Variants in KMT2D observed in about 807,000 individuals in gnomAD.
The protein encoded by KMT2D is histone-lysine N-methyltransferase 2D.
In KMT2D, 55 loss-of-function variants were observed where a neutral mutation model predicts 512.7. The observed-to-expected ratio is 0.11, with a 90% CI of 0.09 to 0.13. KMT2D has a LOEUF of 0.13. Ranked by LOEUF, KMT2D falls within the 10% of genes least tolerant of loss-of-function variation. The probability of loss-of-function intolerance (pLI) is 1.00; values close to 1 mark genes in which losing one functional copy is unlikely to be tolerated. For synonymous variants in KMT2D, 2,995 were observed against 2,904.0 expected, an observed-to-expected ratio of 1.03 and a Z score of -1.01; for missense variants, 6,061 against 7,127.9, an observed-to-expected ratio of 0.85 and a Z score of 5.39.
intron 19 of KMT2D, among the ~76,000 whole-genome samples, chr12:49,045,657 A>AAC (rs1370879185): frequency 2.2e-4 from 33 of 152,060 alleles, no homozygotes; most frequent in African/African-American, 8.0e-4. Context: ...AAAAAAAAAA[A>AAC]AAAAGAGATC....
chr12:49,048,015 C>G lies in KMT2D; in HGVS notation c.4186G>C (p.Ala1396Pro). Residue 1396 changes from alanine to proline, a missense_variant, in exon 15 of 55, where the codon GCC becomes CCC. Physicochemically the swap from Ala to Pro is conservative, Grantham distance 27 (BLOSUM62 -1). Transcript: ENST00000301067. ...FGRGAEGHLLACSQCSQCYHP... is the reference protein window; with the variant it reads ...FGRGAEGHLLPCSQCSQCYHP... The stretch of plus-strand genomic sequence containing the variant: ...TAGCACTGAGAGCACTGCGAACAGG[C>G]AAGGAGGTGGCCCTCTGCCCCCCGG... 1 of 1,612,936 alleles carries G rather than the reference C, an allele frequency of 6.2e-7. No individual in the cohort carries two copies. The highest frequency in any genetic ancestry group is 1.1e-5 in the South Asian group (1 of 91,066).
chr12:49,052,479 G>A (rs1472368017), intron 10 of KMT2D, 55 bp from the exon 11 acceptor site: 1 of 1,549,214 alleles, frequency 6.5e-7, no homozygotes, highest in African/African-American at 1.4e-5. Context: ...TCCACAGAAA[G>A]TGTGGGGTCT....
chr12:49,036,632 G>A (rs1296686118), intron 35 of KMT2D, among the ~76,000 whole-genome samples: 1 of 151,762 alleles, frequency 6.6e-6, no homozygotes, highest in Non-Finnish European at 1.5e-5. Context: ...GGGATTACAG[G>A]GATGCACCAC....
At position 49,041,455 on chromosome 12, in the gene KMT2D, G is replaced by C. The variant is rs990328806; in HGVS notation, c.6315C>G (p.Arg2105=). 6.2e-7 allele frequency: 1 copy of C among 1,613,084 alleles called. No individual in the cohort carries two copies. The highest frequency in any genetic ancestry group is 8.5e-7 in the Non-Finnish European group (1 of 1,179,260). The change falls in exon 32 of 55, where the codon CGC becomes CGG. Residue 2105 remains arginine, a synonymous_variant. Coordinates refer to ENST00000301067, the MANE Select transcript of KMT2D (RefSeq NM_003482.4). This position sits in a 1 kb window ranked among gnomAD's most constrained non-coding sequence, Gnocchi z 5.4. The part of the protein sequence containing the change: ...RKTDRPALHL[R]IPPQPGALGS... ...CCAGTGCCCCTGGCTGCGGGGGAATGCGGAGATGTAGGGCCGGTCGGTCAG... is the reference window on the plus strand; with the variant it reads ...CCAGTGCCCCTGGCTGCGGGGGAATCCGGAGATGTAGGGCCGGTCGGTCAG...
Position 49,032,615 on chromosome 12 carries a change from G to T in KMT2D, c.12090C>A (p.Asp4030Glu), listed in dbSNP as rs1942978932. ...CAGTGGCCTCTGAAGAAACGGCTGG[G>T]TCTACGGTGTTTTGTTCCTTGCCCG... ...LLTGKEQNTV[D>E]PAVSSEATEG... The change falls in exon 40 of 55, where the codon GAC becomes GAA. Residue 4030 changes from aspartate to glutamate, a missense_variant. By Grantham distance (45) the Asp-to-Glu change is conservative. Transcript: ENST00000301067. 2 of 1,614,020 alleles carry T rather than the reference G, an allele frequency of 1.2e-6. No individual in the cohort carries two copies. Among genetic ancestry groups the T allele is most frequent in the African/African-American group, 1.3e-5 (1 of 75,052 alleles).
In KMT2D at chr12:49,024,604, C is replaced by T. The variant is rs1942483347; in HGVS notation, c.16026G>A (p.Glu5342=). ...GTTTGTAGTGTGTGAGGATTTTAGG[C>T]TCTGATCGGGCACAGCCAGTGGGGT... ...MINPTGCARS[E]PKILTHYKRP... The change falls in exon 51 of 55, where the codon GAG becomes GAA. Residue 5342 remains glutamate, a synonymous_variant. Coordinates refer to ENST00000301067, the MANE Select transcript of KMT2D (RefSeq NM_003482.4). The surrounding 1 kb of genome is among the most constrained non-coding windows in gnomAD (Gnocchi z 4.5). 1 of 1,613,190 alleles carries T rather than the reference C, an allele frequency of 6.2e-7. No individual in the cohort carries two copies. The highest frequency in any genetic ancestry group is 1.3e-5 in the African/African-American group (1 of 75,046).
rs1229700197 is a variant in KMT2D, at chr12:49,055,446, A to G, written c.-37-85T>C. 1.4e-5 allele frequency: 11 copies of G among 761,516 alleles called. 1 individual carries two copies. The highest frequency in any genetic ancestry group is 7.1e-5 in the South Asian group (4 of 56,558). 47.2% of individuals were successfully genotyped at this position (761,516 alleles called of 1,614,324 possible). ...CCAGAATCCTGGGAAGAAGGCATCC[A>G]GACCCTCCAGACATCAGAGCAAAGC... On this transcript the variant is annotated intron_variant, in intron 1 of 54. Transcript: ENST00000301067.
Position 49,034,913 on chromosome 12 carries a change from T to C in KMT2D, c.10254A>G (p.Glu3418=), listed in dbSNP as rs1276435941. The C allele has an allele frequency of 1.2e-6, 2 of 1,613,914 alleles. No homozygotes were observed. Among genetic ancestry groups the C allele is most frequent in the South Asian group, 1.1e-5 (1 of 91,082 alleles). ...CCTTTGCAATGGGATCAATGATATC[T>C]TCTGCAGCAAATTTGTCCAGGTCTG... ...PDTDLDKFAA[E]DIIDPIAKAK... Residue 3418 remains glutamate, a synonymous_variant, in exon 36 of 55, where the codon GAA becomes GAG. Coordinates refer to ENST00000301067, the MANE Select transcript of KMT2D (RefSeq NM_003482.4).
chr12:49,045,886 T>C, intron 19 of KMT2D, 34 bp downstream of exon 19: 2 of 1,540,036 alleles, frequency 1.3e-6, no homozygotes, highest in South Asian at 1.1e-5. Context: ...CGACGTCTGG[T>C]CTGGCTTTGG....
At position 49,052,179 on chromosome 12, in the gene KMT2D, G is replaced by A. The variant is rs1938100398; in HGVS notation, c.1504C>T (p.Pro502Ser). 1 of 1,613,522 alleles carries A rather than the reference G, an allele frequency of 6.2e-7. No individual in the cohort carries two copies. Residue 502 changes from proline to serine, a missense_variant, in exon 11 of 55, where the codon CCT becomes TCT. Transcript: ENST00000301067. ...GATGATTCAGGTGGGGGAGACAGAG[G>A]AGACTCCTCAGGCGGCGGAGAGAGG... ...SPLSPPPEES[P>S]LSPPPESSPF...
In KMT2D at chr12:49,031,793, A is replaced by G. The variant is rs905676463; in HGVS notation, c.12912T>C (p.Pro4304=). Reference sequence around the variant, plus strand: ...TGGATGGTGGAGGTGTGGGATGGACAGGGCCAAGGACTGGTCCTGTAGATA... The same window carrying G: ...TGGATGGTGGAGGTGTGGGATGGACGGGGCCAAGGACTGGTCCTGTAGATA... ...GALSTGPVLG[P]VHPTPPPSSP... is the part of the protein sequence containing the mutation. Residue 4304 remains proline (P), a synonymous_variant, in exon 40 of 55, where the codon CCT becomes CCC. Coordinates refer to ENST00000301067, the MANE Select transcript of KMT2D (RefSeq NM_003482.4). 14 of 1,605,148 alleles carry G rather than the reference A, an allele frequency of 8.7e-6. No individual in the cohort carries two copies. Among genetic ancestry groups the G allele is most frequent in the Non-Finnish European group, 1.1e-5 (13 of 1,175,184 alleles).
At position 49,033,578 on chromosome 12, in the gene KMT2D, G is replaced by A. The variant is rs780547684; in HGVS notation, c.11127C>T (p.Leu3709=). ...CCTGTAAAAGCCTTGAATCAGGTCC[G>A]AGGCTTCGAAGAGCAAGGTTGCCAG... The part of the protein sequence containing the change: ...FFPGNLALRS[L]GPDSRLLQER... The change falls in exon 40 of 55, where the codon CTC becomes CTT. Residue 3709 remains leucine (L), a synonymous_variant. Coordinates refer to ENST00000301067, the MANE Select transcript of KMT2D (RefSeq NM_003482.4). 56 of 1,613,410 alleles carry A rather than the reference G, an allele frequency of 3.5e-5. No homozygotes were observed. The highest frequency in any genetic ancestry group is 8.3e-5 in the Admixed American group (5 of 60,002).
Position 49,039,816 on chromosome 12 carries a change from T to C in KMT2D, c.7954A>G (p.Met2652Val), listed in dbSNP as rs147706410. ...VEKREDPGTG[M>V]GSSLATAELP... ...TCAGCTGTCGCCAAAGAGCTACCCA[T>C]TCCAGTCCCTGGGTCTTCTCGCTTT... Residue 2652 changes from methionine (M) to valine (V), a missense_variant, in exon 32 of 55, where the codon ATG (methionine) becomes GTG (valine). This residue lies in a region of KMT2D where 527 missense variants were observed against 578.9 expected (regional missense o/e 0.91). Coordinates refer to ENST00000301067, the MANE Select transcript of KMT2D (RefSeq NM_003482.4). The surrounding 1 kb of genome is among the most constrained non-coding windows in gnomAD (Gnocchi z 5.0). 6.2e-7 allele frequency: 1 copy of C among 1,614,024 alleles called. No individual in the cohort carries two copies. The highest frequency in any genetic ancestry group is 1.3e-5 in the African/African-American group (1 of 75,066).
In KMT2D at chr12:49,049,119, T is replaced by C. The variant is rs368451486; in HGVS notation, c.4006A>G (p.Ile1336Val). The C allele has an allele frequency of 1.8e-5, 29 of 1,607,634 alleles. No homozygotes were observed. Among genetic ancestry groups the C allele is most frequent in the Non-Finnish European group, 2.4e-5 (28 of 1,175,266 alleles). The change falls in exon 13 of 55, where the codon ATT (isoleucine) becomes GTT (valine). Residue 1336 changes from isoleucine to valine, a missense_variant. Physicochemically the swap from Ile to Val is conservative, Grantham distance 29. Coordinates refer to ENST00000301067, the MANE Select transcript of KMT2D (RefSeq NM_003482.4). ...RARLKSTASSIETLVVADIDS... is the reference protein window; with the variant it reads ...RARLKSTASSVETLVVADIDS... ...CATCTCCTTACTACCAGAGTCTCAATGGAAGAAGCAGTTGACTTTAGCCGG... is the reference window on the plus strand; with the variant it reads ...CATCTCCTTACTACCAGAGTCTCAACGGAAGAAGCAGTTGACTTTAGCCGG...
At chr12:49,036,162 C>G (rs1323626398) in intron 35 of KMT2D, 1 of 152,174 alleles carries the variant, frequency 6.6e-6, no homozygotes, top group Non-Finnish European at 1.5e-5. Context: ...CTTTTTCAAT[C>G]TGGCCCCCAT....
At position 49,032,221 on chromosome 12, in the gene KMT2D, G is replaced by A. The variant is rs780636116; in HGVS notation, c.12484C>T (p.Arg4162Trp). 2.1e-5 allele frequency: 34 copies of A among 1,613,372 alleles called. No individual in the cohort carries two copies. Among genetic ancestry groups the A allele is most frequent in the African/African-American group, 1.9e-4 (14 of 74,930 alleles). ...LLGPQQPMLE[R>W]PMQNNTGPQP... The stretch of plus-strand genomic sequence containing the variant: ...GGCCCTGTATTATTTTGCATGGGCC[G>A]CTCTAGCATGGGCTGTTGGGGGCCC... Residue 4162 changes from arginine to tryptophan, a missense_variant, in exon 40 of 55, where the codon CGG (arginine) becomes TGG (tryptophan). Coordinates refer to ENST00000301067, the MANE Select transcript of KMT2D (RefSeq NM_003482.4).
rs1418254490 is a variant in KMT2D at position 49,029,455 on chromosome 12, A to G, written c.14021T>C (p.Leu4674Pro). 22 of 1,556,494 alleles carry G rather than the reference A, an allele frequency of 1.4e-5. No individual in the cohort carries two copies. The highest frequency in any genetic ancestry group is 4.1e-5 in the African/African-American group (3 of 73,300). ...TGTAGGCAAGGCAGCCAGCAGGTCT[A>G]GACTCTTCACCTCTGAAGTATCTGA... ...ALRDTSEVKSLDLLAALPTPP... is the reference protein window; with the variant it reads ...ALRDTSEVKSPDLLAALPTPP... The change falls in exon 44 of 55, where the codon CTA becomes CCA. Residue 4674 changes from leucine to proline, a missense_variant. By Grantham distance (98) the Leu-to-Pro change is moderately conservative (BLOSUM62 -3). Coordinates refer to ENST00000301067, the MANE Select transcript of KMT2D (RefSeq NM_003482.4).
rs767630148 is a variant in KMT2D, at chr12:49,043,109, G to A, written c.5611C>T (p.Leu1871Phe). The A allele has an allele frequency of 1.2e-6, 2 of 1,613,798 alleles. No homozygotes were observed. The highest frequency in any genetic ancestry group is 2.7e-5 in the African/African-American group (2 of 74,920). ...GAAATCCTGTCTAAGTCAGAGCTAA[G>A]CATCCCTTCACCTGGGGTGCCTGGC... ...EKPGTPGEGM[L>F]SSDLDRISTE... The change falls in exon 26 of 55, where the codon CTT becomes TTT. Residue 1871 changes from leucine (L) to phenylalanine (F), a missense_variant. By Grantham distance (22) the Leu-to-Phe change is conservative (BLOSUM62 0). This residue lies in a region of KMT2D where 640 missense variants were observed against 814.3 expected (regional missense o/e 0.79). Coordinates refer to ENST00000301067, the MANE Select transcript of KMT2D (RefSeq NM_003482.4).
chr12:49,052,756 C>T, intron 9 of KMT2D, 47 bp from the exon 10 acceptor site: 1 of 1,603,980 alleles, frequency 6.2e-7, no homozygotes, highest in Non-Finnish European at 8.5e-7. Context: ...CACCAGCTAA[C>T]AAATCCTAGA....
Sources: allele counts gnomAD v4.1 joint callset (sites outside exome capture counted in the v4.1 genomes callset), GRCh38; gene constraint gnomAD v4.1.1; regional missense constraint gnomAD v4.1.1; non-coding constraint Gnocchi (gnomAD v3.1); transcripts MANE v1.5; gene names NCBI Gene and HGNC (gene_info 2026-07-23, HGNC 2026-07-21).